The following DOCK9 variants were observed in gnomAD, a reference collection of about 807,000 sequenced individuals.
The protein encoded by DOCK9 is dedicator of cytokinesis protein 9.
A neutral mutation model predicts 263.3 loss-of-function variants in DOCK9; 89 were observed. The observed-to-expected ratio is 0.34, with a 90% CI of 0.28 to 0.40. The LOEUF is 0.40. Among genes scored for constraint, DOCK9 ranks in the 10% least tolerant of loss-of-function variants. The pLI, the probability that DOCK9 is intolerant of heterozygous loss-of-function variation, is 1.00. For missense variants in DOCK9, 2,140 were observed against 2,603.4 expected, an observed-to-expected ratio of 0.82 and a Z score of 3.87; for synonymous variants, 976 against 973.1, an observed-to-expected ratio of 1.00 and a Z score of -0.06.
At chr13:98,835,535 A>T (rs1296221548) in intron 39 of DOCK9, among the ~76,000 whole-genome samples, 1 of 152,128 alleles carries the variant, frequency 6.6e-6, no homozygotes, top group African/African-American at 2.4e-5. Flanking sequence ...AGATCACCTT[A>T]GCTCTAGAAG....
upstream of DOCK9, among the ~76,000 whole-genome samples, chr13:98,979,146 C>CGTAGCA (rs1216723931): frequency 1.4e-5 from 2 of 143,138 alleles, no homozygotes; most frequent in Non-Finnish European, 1.5e-5. Context: ...CAGCAGCAGC[C>CGTAGCA]GTAGCAGTAG....
intron 1 of DOCK9, among the ~76,000 whole-genome samples, chr13:98,960,570 G>T (rs535816380): frequency 6.6e-6 from 1 of 152,144 alleles, no homozygotes. Context: ...AGTCCATAAC[G>T]GTGGTTCTGA....
intron 2 of DOCK9, among the ~76,000 whole-genome samples, chr13:98,934,899 G>A (rs983946319): frequency 9.2e-5 from 14 of 152,090 alleles, no homozygotes; most frequent in South Asian, 2.1e-4. Context: ...ACTTTCTTCC[G>A]GACACTGAGC....
Position 98,863,386 on chromosome 13 carries a change from T to C in DOCK9, c.3449A>G (p.Asp1150Gly). 1 of 1,613,812 alleles carries C rather than the reference T, an allele frequency of 6.2e-7. No homozygotes were observed. Among genetic ancestry groups the C allele is most frequent in the Non-Finnish European group, 8.5e-7 (1 of 1,179,822 alleles). Residue 1150 changes from aspartate (D) to glycine (G), a missense_variant, in exon 31 of 53, where the codon GAC becomes GGC. Coordinates refer to ENST00000682017, the MANE Select transcript of DOCK9 (RefSeq NM_001366683.2). ...KNLLIKHSFD[D>G]RYASRSHQAR... ...ACCACTCACCCTTGAAGCATATCTGTCATCAAAAGAATGCTTTATCAGCAG... is the reference window on the plus strand; with the variant it reads ...ACCACTCACCCTTGAAGCATATCTGCCATCAAAAGAATGCTTTATCAGCAG...
At position 99,026,244 on chromosome 13, in the gene DOCK9, G is replaced by C. The variant is rs189914682; in HGVS notation, c.129+59979C>G. ...AACTCTGAATATACTGAAAACCACT[G>C]AACATTTTAAATGGATGAATCATTT... On this transcript the variant is annotated intron_variant, in intron 1 of 32. Coordinates refer to the DOCK9 transcript ENST00000427887. Among the ~76,000 whole-genome samples, 13 of 152,288 alleles carry C rather than the reference G, an allele frequency of 8.5e-5. 1 individual carries two copies. The East Asian group carries it at 2.5e-3, about 29-fold the overall frequency.
At chr13:98,960,881 G>A (rs1047711241) in intron 1 of DOCK9, among the ~76,000 whole-genome samples, 14 of 152,202 alleles carry the variant, frequency 9.2e-5, no homozygotes, top group East Asian at 1.9e-4. Context: ...AAACAAGGCC[G>A]GTACTGAGCC....
chr13:98,935,767 CAAAAAATAAAT>C (rs1449877899), intron 2 of DOCK9, among the ~76,000 whole-genome samples: 2 of 151,938 alleles, frequency 1.3e-5, no homozygotes, highest in African/African-American at 4.8e-5. Context: ...GAGCCTGTCT[CAAAAAATAAAT>C]AAAAAATAAT....
At chr13:99,070,569 T>TA (rs2041625883) in intron 1 of DOCK9, among the ~76,000 whole-genome samples, 1 of 152,246 alleles carries the variant, frequency 6.6e-6, no homozygotes, top group South Asian at 2.1e-4. Context: ...AGCTTGCACT[T>TA]AGTGAGTATT....
chr13:98,846,025 C>G lies in DOCK9; in HGVS notation c.4097G>C (p.Arg1366Pro), dbSNP rs773601462. The part of the protein sequence containing the change: ...QEGLGPIVHD[R>P]KSQTLPVSRN... ...GGAAACAGGCAATGTCTGAGACTTTCGATCATGAACTATGGGTCCCAACCC... is the reference window on the plus strand; with the variant it reads ...GGAAACAGGCAATGTCTGAGACTTTGGATCATGAACTATGGGTCCCAACCC... The change falls in exon 38 of 53, where the codon CGA (arginine) becomes CCA (proline). Residue 1366 changes from arginine to proline, a missense_variant. By Grantham distance (103) the Arg-to-Pro change is moderately radical. Transcript: ENST00000682017. 2 of 1,598,122 alleles carry G rather than the reference C, an allele frequency of 1.3e-6. No homozygotes were observed. The highest frequency in any genetic ancestry group is 1.7e-6 in the Non-Finnish European group (2 of 1,171,768).
intron 17 of DOCK9, 51 bp downstream of exon 17, chr13:98,888,309 T>C: frequency 1.9e-6 from 3 of 1,604,786 alleles, no homozygotes; most frequent in Non-Finnish European, 2.6e-6. Context: ...GGACGCTGAA[T>C]CTAAAGGGAG....
rs2048344533 is a variant in DOCK9, at chr13:98,901,971, A to C, written c.1381-71T>G. The stretch of plus-strand genomic sequence containing the variant: ...GTTAAACAAATCCCATGAACATTAA[A>C]CAGCAAAGAACAGTGAAACAGGACA... On this transcript the variant is annotated intron_variant, in intron 12 of 52. Coordinates refer to ENST00000682017, the MANE Select transcript of DOCK9 (RefSeq NM_001366683.2). 3.2e-6 allele frequency: 5 copies of C among 1,544,918 alleles called. No individual in the cohort carries two copies. The South Asian group carries it at 4.8e-5, about 15-fold the overall frequency.
In DOCK9 at chr13:98,881,942, G is replaced by A; in HGVS notation, c.2625C>T (p.Phe875=). The change falls in exon 24 of 53, where the codon TTC becomes TTT. Residue 875 remains phenylalanine (F), a synonymous_variant. Transcript: ENST00000682017. ...AFLPTILNQL[F]RVLTRATQEE... ...CCTGTGTGGCTCTGGTGAGGACTCG[G>A]AACAGCTGGTTTAGGATAGTGGGCA... The A allele has an allele frequency of 6.3e-7, 1 of 1,599,788 alleles. No homozygotes were observed. The highest frequency in any genetic ancestry group is 1.1e-5 in the South Asian group (1 of 87,616).
Position 98,805,038 on chromosome 13 carries a change from C to A in DOCK9, c.5686G>T (p.Gly1896Trp). ...CGCCGTTTGCACTGCTCTTCCACCC[C>A]GCCCTGCCTCTTCCCGGTCTGCGTA... is the stretch of plus-strand genomic sequence containing the variant. ...PFTQTGKRQGGVEEQCKRRTI... is the reference protein window; with the variant it reads ...PFTQTGKRQGWVEEQCKRRTI... The change falls in exon 49 of 53, where the codon GGG becomes TGG. Residue 1896 changes from glycine to tryptophan, a missense_variant. Coordinates refer to ENST00000682017, the MANE Select transcript of DOCK9 (RefSeq NM_001366683.2). 1 of 1,610,672 alleles carries A rather than the reference C, an allele frequency of 6.2e-7. No individual in the cohort carries two copies. The highest frequency in any genetic ancestry group is 8.5e-7 in the Non-Finnish European group (1 of 1,178,478).
intron 1 of DOCK9, among the ~76,000 whole-genome samples, chr13:99,033,147 G>A (rs1403234957): frequency 1.3e-5 from 2 of 152,144 alleles, no homozygotes; most frequent in Non-Finnish European, 2.9e-5. Context: ...TATCAGTTGA[G>A]AACTAAAAAC....
chr13:98,886,620 A>G lies in DOCK9; in HGVS notation c.2048T>C (p.Ile683Thr), dbSNP rs1418438468. Residue 683 changes from isoleucine to threonine, a missense_variant, in exon 19 of 53, where the codon ATT becomes ACT. Coordinates refer to ENST00000682017, the MANE Select transcript of DOCK9 (RefSeq NM_001366683.2). The stretch of plus-strand genomic sequence containing the variant: ...AACTGGCCCACCAGGTCTGCCATAA[A>G]TGCACTAAAATAAGAGTTACCAAAG... ...DEEDSQPLKC[I>T]YGRPGGPVFT... The G allele has an allele frequency of 1.7e-5, 28 of 1,613,632 alleles. No homozygotes were observed. Among genetic ancestry groups the G allele is most frequent in the Non-Finnish European group, 2.4e-5 (28 of 1,179,658 alleles).
intron 52 of DOCK9, chr13:98,796,248 G>GT: frequency 6.4e-7 from 1 of 1,569,030 alleles, no homozygotes; most frequent in Non-Finnish European, 8.7e-7. Flanking sequence ...AAAAAAGCAA[G>GT]TGAGTTAAAG....
At chr13:99,067,305 T>A (rs2041464721) in intron 1 of DOCK9, among the ~76,000 whole-genome samples, 1 of 152,214 alleles carries the variant, frequency 6.6e-6, no homozygotes, top group South Asian at 2.1e-4. Context: ...ATGAGAGCTT[T>A]AAAAACTTCT....
At chr13:99,074,032 T>C (rs559762874) in intron 1 of DOCK9, among the ~76,000 whole-genome samples, 16 of 152,376 alleles carry the variant, frequency 1.1e-4, no homozygotes, top group African/African-American at 3.6e-4. Context: ...GGTCTATAGG[T>C]ATTCCTTTCT....
chr13:98,953,075 TAGAC>T (rs1336819465), intron 2 of DOCK9, among the ~76,000 whole-genome samples: 1 of 152,152 alleles, frequency 6.6e-6, no homozygotes, highest in Non-Finnish European at 1.5e-5. Flanking sequence ...TCCAGCTAAT[TAGAC>T]AGTTAATAAC....
Sources: gnomAD v4.1 joint callset for allele counts (sites outside exome capture counted in the v4.1 genomes callset) on GRCh38, gnomAD v4.1.1 for gene constraint, MANE v1.5 for transcripts, NCBI Gene and HGNC (gene_info 2026-07-23, HGNC 2026-07-21) for gene names.